The following RYR2 variants were observed in gnomAD, a reference collection of about 807,000 sequenced individuals.
RYR2 encodes cardiac muscle ryanodine receptor-calcium release channel.
In RYR2, 227 loss-of-function variants were observed where a neutral mutation model predicts 601.1. The ratio of observed to expected loss-of-function variants is 0.38; its 90% CI spans 0.34 to 0.42. RYR2 has a LOEUF of 0.42. Among genes scored for constraint, RYR2 ranks in the 10% least tolerant of loss-of-function variants. The pLI is 1.00. For missense variants in RYR2, 4,646 were observed against 6,156.5 expected (o/e 0.75, Z 8.21); for synonymous variants, 2,223 against 2,175.1 (o/e 1.02, Z -0.61).
intron 100 of RYR2, among the ~76,000 whole-genome samples, chr1:237,813,505 T>C (rs955447518): frequency 1.3e-5 from 2 of 152,224 alleles, no homozygotes; most frequent in African/African-American, 4.8e-5. Context: ...CCTTTTATTA[T>C]GCAGTCGTCA....
At chr1:237,755,379 C>G (rs1388556506) in intron 80 of RYR2, among the ~76,000 whole-genome samples, 1 of 152,086 alleles carries the variant, frequency 6.6e-6, no homozygotes, top group African/African-American at 2.4e-5. Flanking sequence ...ATGTTTTGGC[C>G]GTTGTGTTTA....
chr1:237,557,216 T>G (rs1158189258), intron 27 of RYR2, among the ~76,000 whole-genome samples: 2 of 152,208 alleles, frequency 1.3e-5, no homozygotes, highest in Non-Finnish European at 2.9e-5. Flanking sequence ...GGAAGCTGAC[T>G]TCCCCCAGAA....
intron 6 of RYR2, among the ~76,000 whole-genome samples, chr1:237,372,468 C>T (rs1193090890): frequency 6.6e-6 from 1 of 152,142 alleles, no homozygotes; most frequent in East Asian, 1.9e-4. Flanking sequence ...TATGTTTTAT[C>T]TACCATTGCT....
chr1:237,176,576 A>G (rs12132509), intron 1 of RYR2, among the ~76,000 whole-genome samples: 1 of 151,322 alleles, frequency 6.6e-6, no homozygotes, highest in Non-Finnish European at 1.5e-5. Flanking sequence ...TTATTTATTT[A>G]TTTTTTTAAA....
chr1:237,617,211 C>A, intron 37 of RYR2, 75 bp from the exon 38 acceptor site: 1 of 1,339,722 alleles, frequency 7.5e-7, no homozygotes, highest in Non-Finnish European at 1.0e-6. Flanking sequence ...AGGATGTTTA[C>A]CACAGATTAT....
intron 1 of RYR2, among the ~76,000 whole-genome samples, chr1:237,195,943 T>A (rs1680514682): frequency 6.6e-6 from 1 of 152,266 alleles, no homozygotes. Flanking sequence ...AGGTGCTTTA[T>A]AATTTCAGTG....
intron 1 of RYR2, among the ~76,000 whole-genome samples, chr1:237,236,751 C>G (rs1348832182): frequency 1.3e-5 from 2 of 152,142 alleles, no homozygotes; most frequent in Non-Finnish European, 2.9e-5. Context: ...AATGGAAACT[C>G]TTAATAATGG....
intron 1 of RYR2, among the ~76,000 whole-genome samples, chr1:237,202,719 C>G (rs1385908143): frequency 6.6e-6 from 1 of 152,110 alleles, no homozygotes; most frequent in Non-Finnish European, 1.5e-5. Flanking sequence ...TTAACAACAC[C>G]TTTTTAATGG....
rs375218751 is a variant in RYR2 at position 237,454,452 on chromosome 1, G to A, written c.1354G>A (p.Val452Ile). Residue 452 changes from valine (V) to isoleucine (I), a missense_variant, in exon 15 of 105, where the codon GTA becomes ATA. Physicochemically the swap from Val to Ile is conservative, Grantham distance 29. Around this residue, in one of 17 missense-constraint regions of RYR2, gnomAD observed 1,807 missense variants for 2,088.1 expected, o/e 0.87. Transcript: ENST00000366574. The part of the protein sequence containing the change: ...ASTVDLPIES[V>I]SLSLQDLIGY... The stretch of plus-strand genomic sequence containing the variant: ...CACAGTCGATTTGCCTATAGAGTCC[G>A]TAAGCCTAAGTCTGCAGGATCTCAT... 3.5e-5 allele frequency: 57 copies of A among 1,613,512 alleles called. No individual in the cohort carries two copies. Among genetic ancestry groups the A allele is most frequent in the Non-Finnish European group, 3.6e-5 (43 of 1,179,638 alleles).
At chr1:237,425,345 T>C (rs1706045928) in intron 12 of RYR2, among the ~76,000 whole-genome samples, 1 of 152,132 alleles carries the variant, frequency 6.6e-6, no homozygotes, top group African/African-American at 2.4e-5. Flanking sequence ...GAAATCTACA[T>C]TTTGACTCTC....
chr1:237,530,388 G>A, intron 24 of RYR2, 39 bp from the exon 25 acceptor site: 1 of 1,456,062 alleles, frequency 6.9e-7, no homozygotes, highest in Non-Finnish European at 9.5e-7. Flanking sequence ...TGGACATAGA[G>A]AAGAAATGAT....
At chr1:237,283,963 T>C (rs1691168236) in intron 2 of RYR2, among the ~76,000 whole-genome samples, 1 of 152,206 alleles carries the variant, frequency 6.6e-6, no homozygotes, top group Non-Finnish European at 1.5e-5. Context: ...CCTTCCACTC[T>C]TCCCCTGAAG....
chr1:237,042,395 C>T lies in RYR2; in HGVS notation c.-127C>T, dbSNP rs2148059909. 1 of 950,524 alleles carries T rather than the reference C, an allele frequency of 1.1e-6. No homozygotes were observed. The highest frequency in any genetic ancestry group is 1.3e-6 in the Non-Finnish European group (1 of 745,202). 58.9% of individuals were successfully genotyped at this position (950,524 alleles called of 1,614,324 possible). ...GGCGGGGACCGCCCGGCGCTCGGCA[C>T]CCGGCAGCGCGGCCCCCTCCAGCCC... is the stretch of plus-strand genomic sequence containing the variant. On this transcript the variant is annotated 5_prime_UTR_variant, in exon 1 of 105. Coordinates refer to ENST00000366574, the MANE Select transcript of RYR2 (RefSeq NM_001035.3).
chr1:237,144,444 A>G (rs1205545023), intron 1 of RYR2, among the ~76,000 whole-genome samples: 1 of 152,182 alleles, frequency 6.6e-6, no homozygotes, highest in Non-Finnish European at 1.5e-5. Flanking sequence ...TCCAGTAGAG[A>G]CTGCGAGATA....
In RYR2 at chr1:237,106,835, T is replaced by C. The variant is rs933778886; in HGVS notation, c.48+64266T>C. ...TGGTGAAGGCTCGCTTCCTGGTTCA[T>C]AGGCGGCTGTCTTCTTGCTGTGTTG... On this transcript the variant is annotated intron_variant, in intron 1 of 104. Coordinates refer to ENST00000366574, the MANE Select transcript of RYR2 (RefSeq NM_001035.3). The surrounding 1 kb of genome is among the most constrained non-coding windows in gnomAD (Gnocchi z 4.4). Among the ~76,000 whole-genome samples the C allele has an allele frequency of 6.6e-6, 1 of 152,218 alleles. No individual in the cohort carries two copies. Among genetic ancestry groups the C allele is most frequent in the Non-Finnish European group, 1.5e-5 (1 of 68,042 alleles).
intron 10 of RYR2, among the ~76,000 whole-genome samples, chr1:237,394,296 A>G (rs1702635061): frequency 6.6e-6 from 1 of 152,204 alleles, no homozygotes; most frequent in African/African-American, 2.4e-5. Context: ...GGTGATTCAA[A>G]GTGTAAGCTA....
In RYR2 at chr1:237,772,009, T is replaced by C. The variant is rs1004561004; in HGVS notation, c.11558-3T>C. 1.1e-5 allele frequency: 17 copies of C among 1,501,642 alleles called. No homozygotes were observed. The highest frequency in any genetic ancestry group is 1.5e-5 in the Non-Finnish European group (16 of 1,100,934). The allele number at this position is 1,501,642 out of a possible 1,614,324, so 93.0% of individuals were successfully genotyped here. Reference sequence around the variant, plus strand: ...ATTAATAACATTTTTTTATCTTGCATAGATTTTCAGAATTATCTGAGAACT... The same window carrying C: ...ATTAATAACATTTTTTTATCTTGCACAGATTTTCAGAATTATCTGAGAACT... On this transcript the variant is annotated splice_region_variant and splice_polypyrimidine_tract_variant and intron_variant, in intron 85 of 104. Transcript: ENST00000366574.
intron 1 of RYR2, among the ~76,000 whole-genome samples, chr1:237,234,884 T>C (rs1685396375): frequency 6.9e-6 from 1 of 144,162 alleles, no homozygotes; most frequent in South Asian, 2.1e-4. Flanking sequence ...AGTTTTGTGA[T>C]TTTTTTTTTT....
At chr1:237,798,201 C>G (rs1042822959) in intron 97 of RYR2, 31 bp downstream of exon 97, 5 of 1,581,274 alleles carry the variant, frequency 3.2e-6, no homozygotes, top group Non-Finnish European at 4.3e-6. Flanking sequence ...ATCCTACAGA[C>G]TTAGATTGAA....
Sources: allele counts gnomAD v4.1 joint callset (sites outside exome capture counted in the v4.1 genomes callset), GRCh38; gene constraint gnomAD v4.1.1; regional missense constraint gnomAD v4.1.1; non-coding constraint Gnocchi (gnomAD v3.1); transcripts MANE v1.5; gene names NCBI Gene and HGNC (gene_info 2026-07-23, HGNC 2026-07-21).